The following EPM2A variants were observed in gnomAD, a reference collection of about 807,000 sequenced individuals.
EPM2A encodes the protein laforin.
EPM2A carries 21 observed loss-of-function variants against 26.5 expected under a neutral mutation model. The observed-to-expected ratio is 0.79, with a 90% CI of 0.56 to 1.14. EPM2A has a LOEUF of 1.14. Ranked by LOEUF, EPM2A falls within the 50% of genes most tolerant of loss-of-function variation. EPM2A has a pLI of 0.00. For synonymous variants in EPM2A, 217 were observed against 177.6 expected, an observed-to-expected ratio of 1.22 and a Z score of -1.76; for missense variants, 458 against 440.8, an observed-to-expected ratio of 1.04 and a Z score of -0.35.
intron 2 of EPM2A, among the ~76,000 whole-genome samples, chr6:145,588,295 G>T (rs1415707571): frequency 2.6e-5 from 4 of 152,136 alleles, no homozygotes; most frequent in Admixed American, 2.0e-4. Flanking sequence ...AAATAAGTTA[G>T]ATTTACTTTA....
At chr6:145,573,585 C>T (rs956207426) in intron 2 of EPM2A, among the ~76,000 whole-genome samples, 4 of 152,204 alleles carry the variant, frequency 2.6e-5, no homozygotes, top group Admixed American at 2.0e-4. Context: ...TTGATGATGG[C>T]ACTAATCTCC....
intron 2 of EPM2A, among the ~76,000 whole-genome samples, chr6:145,583,480 A>G (rs532949746): frequency 1.3e-5 from 2 of 152,254 alleles, no homozygotes; most frequent in East Asian, 1.9e-4. Context: ...GGCTGGTAGT[A>G]GGTGCCTGGC....
intron 2 of EPM2A, among the ~76,000 whole-genome samples, chr6:145,668,166 A>AT (rs1182434620): frequency 1.3e-5 from 2 of 149,754 alleles, no homozygotes; most frequent in African/African-American, 5.0e-5. Flanking sequence ...AAGTATAATA[A>AT]AAAAAAAAGG....
At chr6:145,578,546 A>G (rs1275530928) in intron 2 of EPM2A, among the ~76,000 whole-genome samples, 2 of 152,166 alleles carry the variant, frequency 1.3e-5, no homozygotes, top group African/African-American at 4.8e-5. Flanking sequence ...AATTAATAAC[A>G]AACAGTTTCC....
chr6:145,479,683 C>T lies in EPM2A; in HGVS notation c.555+22839G>A, dbSNP rs373772948. Reference sequence around the variant, plus strand: ...TGATATACACCTGGTTTGTTTTCATCTTTTGGCTATTGTAAATAATGTTGC... The same window carrying T: ...TGATATACACCTGGTTTGTTTTCATTTTTTGGCTATTGTAAATAATGTTGC... On this transcript the variant is annotated intron_variant, in intron 4 of 4. Coordinates refer to the EPM2A transcript ENST00000638717. 1.1e-4 allele frequency among the ~76,000 whole-genome samples: 17 copies of T among 151,940 alleles called. No homozygotes were observed. In the East Asian group the frequency reaches 1.4e-3, roughly 12 times the overall value.
At chr6:145,538,008 G>A (rs7755887) in intron 2 of EPM2A, among the ~76,000 whole-genome samples, 54,241 of 151,994 alleles carry the variant, frequency 0.36, 10,176 homozygotes, top group South Asian at 0.51. Context: ...ATCATTGATG[G>A]GCATTTGGGT....
chr6:145,605,356 T>A (rs1775217483), intron 2 of EPM2A, among the ~76,000 whole-genome samples: 1 of 152,138 alleles, frequency 6.6e-6, no homozygotes, highest in East Asian at 1.9e-4. Context: ...TCTGTTCCTG[T>A]CTTTTATAGA....
chr6:145,423,734 G>C (rs1778819129), intron 4 of EPM2A, among the ~76,000 whole-genome samples: 1 of 152,148 alleles, frequency 6.6e-6, no homozygotes, highest in East Asian at 1.9e-4. Context: ...TCTGAGTTGG[G>C]GGGTAATCTC....
At chr6:145,479,014 AG>A (rs1226892806) in intron 4 of EPM2A, among the ~76,000 whole-genome samples, 1 of 151,124 alleles carries the variant, frequency 6.6e-6, no homozygotes, top group Non-Finnish European at 1.5e-5. Context: ...CTAATTTGTG[AG>A]GTGCTGTGTT....
chr6:145,417,703 T>C (rs968935005), intron 4 of EPM2A, among the ~76,000 whole-genome samples: 1 of 152,278 alleles, frequency 6.6e-6, no homozygotes, highest in Non-Finnish European at 1.5e-5. Context: ...ATATAGACTT[T>C]TCTAGTATGC....
chr6:145,507,783 C>G (rs969128324), intron 2 of EPM2A, among the ~76,000 whole-genome samples: 2 of 152,300 alleles, frequency 1.3e-5, no homozygotes, highest in Non-Finnish European at 2.9e-5. Flanking sequence ...ATTAGGCTCT[C>G]TCTCACCACA....
chr6:145,450,302 G>A (rs1038121645), intron 4 of EPM2A, among the ~76,000 whole-genome samples: 8 of 143,634 alleles, frequency 5.6e-5, no homozygotes, highest in African/African-American at 1.8e-4. Flanking sequence ...GCAGTGAGCC[G>A]AGATCGCGCC....
intron 2 of EPM2A, among the ~76,000 whole-genome samples, chr6:145,591,537 G>T (rs1003770270): frequency 6.6e-6 from 1 of 152,118 alleles, no homozygotes; most frequent in Non-Finnish European, 1.5e-5. Flanking sequence ...CAAAAAGAGT[G>T]CAGTAAAGTA....
chr6:145,598,580 C>A (rs1366034233), intron 2 of EPM2A, among the ~76,000 whole-genome samples: 1 of 151,966 alleles, frequency 6.6e-6, no homozygotes, highest in Non-Finnish European at 1.5e-5. Flanking sequence ...TTGATAGTTT[C>A]TTTTGCTGTA....
At chr6:145,588,309 G>A (rs1486918627) in intron 2 of EPM2A, among the ~76,000 whole-genome samples, 1 of 152,076 alleles carries the variant, frequency 6.6e-6, no homozygotes. Flanking sequence ...TACTTTAGAG[G>A]CCTGTTTATT....
intron 4 of EPM2A, among the ~76,000 whole-genome samples, chr6:145,471,853 A>C (rs1779478051): frequency 6.6e-6 from 1 of 152,062 alleles, no homozygotes; most frequent in Non-Finnish European, 1.5e-5. Flanking sequence ...GGTAAGTCCT[A>C]AGGCTGAACT....
rs577455745 is a variant in EPM2A at position 145,414,188 on chromosome 6, G to A, written c.556-30091C>T. ...TTCAGCACAAGTACAGCCATTCCCAGTGCAGCCCTTTCTTTTTTGCTGTCC... is the reference window on the plus strand; with the variant it reads ...TTCAGCACAAGTACAGCCATTCCCAATGCAGCCCTTTCTTTTTTGCTGTCC... On this transcript the variant is annotated intron_variant, in intron 4 of 4. Transcript: ENST00000638717. Among the ~76,000 whole-genome samples the A allele has an allele frequency of 2.6e-4, 39 of 152,232 alleles. No individual in the cohort carries two copies. In the South Asian group the frequency reaches 6.0e-3, roughly 23 times the overall value.
intron 1 of EPM2A, among the ~76,000 whole-genome samples, chr6:145,724,155 A>G (rs1328195455): frequency 6.6e-6 from 1 of 152,108 alleles, no homozygotes; most frequent in East Asian, 1.9e-4. Flanking sequence ...GGAACCTTAC[A>G]TAGAACAAGC....
intron 1 of EPM2A, among the ~76,000 whole-genome samples, chr6:145,687,566 G>T (rs759487634): frequency 2.6e-5 from 4 of 152,138 alleles, no homozygotes; most frequent in Non-Finnish European, 4.4e-5. Flanking sequence ...CTGTAAGAAA[G>T]ACATGTAAGC....
Sources: allele counts gnomAD v4.1 joint callset (sites outside exome capture counted in the v4.1 genomes callset), GRCh38; gene constraint gnomAD v4.1.1; transcripts MANE v1.5; gene names NCBI Gene and HGNC (gene_info 2026-07-23, HGNC 2026-07-21).